The following COL19A1 variants were observed in gnomAD, a reference collection of about 807,000 sequenced individuals.
COL19A1 encodes the protein collagen alpha-1(XIX) chain.
Under a neutral mutation model 190.2 loss-of-function variants are expected in COL19A1, and 159 were observed. That is an observed-to-expected ratio of 0.84 (90% CI 0.73 to 0.95). COL19A1 has a LOEUF of 0.95. Ranked by LOEUF, COL19A1 falls within the 40% of genes least tolerant of loss-of-function variation. COL19A1 has a pLI of 0.00. For missense variants in COL19A1, 1,418 were observed against 1,431.9 expected (o/e 0.99, Z 0.16); for synonymous variants, 509 against 458.9 (o/e 1.11, Z -1.39).
intron 1 of COL19A1, among the ~76,000 whole-genome samples, chr6:69,874,589 A>G (rs1192003034): frequency 6.6e-6 from 1 of 152,034 alleles, no homozygotes; most frequent in Non-Finnish European, 1.5e-5. Flanking sequence ...ATCTCTACTA[A>G]AAATACAAAA....
At chr6:69,986,107 G>T (rs892470426) in intron 11 of COL19A1, among the ~76,000 whole-genome samples, 1 of 151,590 alleles carries the variant, frequency 6.6e-6, no homozygotes, top group Non-Finnish European at 1.5e-5. Context: ...TACAAAGTCA[G>T]GAAGAAAGCA....
intron 15 of COL19A1, among the ~76,000 whole-genome samples, chr6:70,079,903 A>G (rs1211025029): frequency 6.6e-6 from 1 of 152,178 alleles, no homozygotes; most frequent in African/African-American, 2.4e-5. Flanking sequence ...AACTACGATT[A>G]CAAACTGAAG....
intron 14 of COL19A1, among the ~76,000 whole-genome samples, chr6:70,063,994 CA>C (rs1237658302): frequency 2.0e-5 from 3 of 152,026 alleles, no homozygotes; most frequent in African/African-American, 2.4e-5. Flanking sequence ...AATAGCTTAC[CA>C]ACCAAAAAGA....
chr6:70,095,681 C>CT (rs914212596), intron 15 of COL19A1, among the ~76,000 whole-genome samples: 6 of 152,116 alleles, frequency 3.9e-5, no homozygotes, highest in South Asian at 2.1e-4. Context: ...TAAACAACTC[C>CT]TTTTTTTTCC....
In COL19A1 at chr6:70,184,658, A is replaced by G. The variant is rs770329480; in HGVS notation, c.2776-45A>G. ...CCTTATGCTTTTGTTGTGTTTAACTATGTTAATGCAGAGTTAGAAATATTA... is the reference window on the plus strand; with the variant it reads ...CCTTATGCTTTTGTTGTGTTTAACTGTGTTAATGCAGAGTTAGAAATATTA... On this transcript the variant is annotated intron_variant, in intron 44 of 50. Coordinates refer to ENST00000620364, the MANE Select transcript of COL19A1 (RefSeq NM_001858.6). 9 of 1,442,286 alleles carry G rather than the reference A, an allele frequency of 6.2e-6. No homozygotes were observed. In the African/African-American group the frequency reaches 1.1e-4, roughly 18 times the overall value. The allele number at this position is 1,442,286 out of a possible 1,614,324, so 89.3% of individuals were successfully genotyped here.
At chr6:70,001,281 A>G (rs1777248621) in intron 11 of COL19A1, among the ~76,000 whole-genome samples, 1 of 152,122 alleles carries the variant, frequency 6.6e-6, no homozygotes, top group Admixed American at 6.6e-5. Context: ...GCTTTGTAGT[A>G]TAGTTTGAAG....
At chr6:69,938,427 C>G (rs188329772) in intron 9 of COL19A1, among the ~76,000 whole-genome samples, 1 of 152,162 alleles carries the variant, frequency 6.6e-6, no homozygotes. Context: ...CCCCAAATCC[C>G]TGTTGAATTC....
intron 15 of COL19A1, among the ~76,000 whole-genome samples, chr6:70,073,637 T>C (rs1781688256): frequency 6.6e-6 from 1 of 152,190 alleles, no homozygotes; most frequent in Non-Finnish European, 1.5e-5. Context: ...TACCTAGATG[T>C]CCATGCCCAT....
At chr6:69,899,164 A>ATT in intron 3 of COL19A1, 142 bp downstream of exon 3, 1 of 555,090 alleles carries the variant, frequency 1.8e-6, no homozygotes, top group Non-Finnish European at 3.1e-6. Flanking sequence ...AATTCTTTTT[A>ATT]ATTTTTTTTT....
At chr6:69,940,809 G>T (rs1350251693) in intron 9 of COL19A1, among the ~76,000 whole-genome samples, 1 of 152,088 alleles carries the variant, frequency 6.6e-6, no homozygotes, top group African/African-American at 2.4e-5. Flanking sequence ...CCATGACCAT[G>T]AATGCATTCA....
chr6:70,102,214 G>A lies in COL19A1; in HGVS notation c.1270G>A (p.Gly424Arg). 1 of 1,612,214 alleles carries A rather than the reference G, an allele frequency of 6.2e-7. No individual in the cohort carries two copies. The highest frequency in any genetic ancestry group is 8.5e-7 in the Non-Finnish European group (1 of 1,178,428). Residue 424 changes from glycine to arginine, a missense_variant, in exon 16 of 51, where the codon GGA becomes AGA. Gly to Arg is a moderately radical substitution (Grantham distance 125). Transcript: ENST00000620364. Reference sequence around the variant, plus strand: ...ACCTCCCGGAAAACCAGGACCCCCAGGACCACCTGTGAGTAAACAATACAA... The same window carrying A: ...ACCTCCCGGAAAACCAGGACCCCCAAGACCACCTGTGAGTAAACAATACAA... ...TGPPGKPGPP[G>R]PPGPPGIQGI...
rs1240545318 is a variant in COL19A1, at chr6:70,016,637, C to T, written c.1027-6990C>T. ...GAGCAAGTATTTGCAAATTATATAT[C>T]TGATAAATGACTTGTATCAATAATA... On this transcript the variant is annotated intron_variant, in intron 11 of 50. Coordinates refer to ENST00000620364, the MANE Select transcript of COL19A1 (RefSeq NM_001858.6). Among the ~76,000 whole-genome samples the T allele has an allele frequency of 1.6e-4, 24 of 151,828 alleles. 1 individual carries two copies. Among genetic ancestry groups the T allele is most frequent in the Admixed American group, 1.4e-3 (22 of 15,234 alleles).
rs548947916 is a variant in COL19A1, at chr6:70,165,920, A to G, written c.2401-21A>G. The G allele has an allele frequency of 4.9e-5, 79 of 1,612,400 alleles. 1 individual carries two copies. In the South Asian group the frequency reaches 8.0e-4, roughly 16 times the overall value. ...GGGTAGAAACGTCTACGCCGCTGAT[A>G]TGTCTATATATCCCTTGCAGGGCAG... On this transcript the variant is annotated intron_variant, in intron 36 of 50. Transcript: ENST00000620364.
intron 11 of COL19A1, among the ~76,000 whole-genome samples, chr6:69,970,387 A>C (rs1775361432): frequency 6.6e-6 from 1 of 152,238 alleles, no homozygotes; most frequent in African/African-American, 2.4e-5. Flanking sequence ...AATCTTAATT[A>C]GAATGGGAAA....
At chr6:70,162,579 A>G (rs1308445852) in intron 35 of COL19A1, among the ~76,000 whole-genome samples, 1 of 152,186 alleles carries the variant, frequency 6.6e-6, no homozygotes, top group African/African-American at 2.4e-5. Context: ...TTTCAGATAA[A>G]CAAATAATTG....
intron 49 of COL19A1, 81 bp from the exon 50 acceptor site, chr6:70,206,820 A>T: frequency 8.6e-7 from 1 of 1,167,044 alleles, no homozygotes; most frequent in Admixed American, 2.5e-5. Context: ...ATTATCACAG[A>T]CTCAGAAAAT....
intron 15 of COL19A1, among the ~76,000 whole-genome samples, chr6:70,090,907 C>A (rs570597693): frequency 4.7e-4 from 72 of 152,224 alleles, no homozygotes; most frequent in Middle Eastern, 3.4e-3. Context: ...AGAATTTGTT[C>A]TTGCTGTTCC....
At chr6:70,102,270 G>C (rs1304615136) in intron 16 of COL19A1, 48 bp downstream of exon 16, 1 of 1,337,556 alleles carries the variant, frequency 7.5e-7, no homozygotes. Context: ...CTGTCTTTAT[G>C]TCTGTGTGTT....
chr6:69,991,733 G>A (rs558647019), intron 11 of COL19A1, among the ~76,000 whole-genome samples: 1 of 152,030 alleles, frequency 6.6e-6, no homozygotes, highest in Admixed American at 6.6e-5. Flanking sequence ...TTTTAATGGG[G>A]TTATTTGGTA....
Sources: gnomAD v4.1 joint callset for allele counts (sites outside exome capture counted in the v4.1 genomes callset) on GRCh38, gnomAD v4.1.1 for gene constraint, MANE v1.5 for transcripts, NCBI Gene and HGNC (gene_info 2026-07-23, HGNC 2026-07-21) for gene names.